Variants in OTOP1 observed in about 807,000 individuals in gnomAD.
OTOP1 encodes proton channel OTOP1.
OTOP1 carries 59 observed loss-of-function variants against 52.9 expected under a neutral mutation model. The observed-to-expected ratio is 1.12, with a 90% confidence interval of 0.91 to 1.39. The LOEUF is 1.39. Among genes scored for constraint, OTOP1 ranks in the 40% most tolerant of loss-of-function variants. OTOP1 has a pLI of 0.00. For synonymous variants in OTOP1, 317 were observed against 337.7 expected (o/e 0.94, Z 0.67); for missense variants, 761 against 800.9 (o/e 0.95, Z 0.60).
At chr4:4,217,073 T>G (rs1717170381) in intron 1 of OTOP1, among the ~76,000 whole-genome samples, 2 of 152,240 alleles carry the variant, frequency 1.3e-5, no homozygotes, top group South Asian at 2.1e-4. Flanking sequence ...ACCATCTCTG[T>G]GGTTGACTTG....
Position 4,226,859 on chromosome 4 carries a change from G to T in OTOP1, c.6C>A (p.Leu2=), listed in dbSNP as rs371393645. Residue 2 remains leucine (L), a synonymous_variant, in exon 1 of 6, where the codon CTC becomes CTA. Coordinates refer to ENST00000296358, the MANE Select transcript of OTOP1 (RefSeq NM_177998.3). M[L]EGLGSPASPR... ...GCGAGGCGGGCGACCCCAGGCCCTCGAGCATCTTCGAGACACCCGCGCCAA... is the reference window on the plus strand; with the variant it reads ...GCGAGGCGGGCGACCCCAGGCCCTCTAGCATCTTCGAGACACCCGCGCCAA... The T allele has an allele frequency of 3.0e-6, 4 of 1,326,938 alleles. No homozygotes were observed. The highest frequency in any genetic ancestry group is 6.3e-5 in the East Asian group (2 of 31,960). The allele number at this position is 1,326,938 out of a possible 1,614,324, so 82.2% of individuals were successfully genotyped here.
intron 5 of OTOP1, among the ~76,000 whole-genome samples, chr4:4,192,451 CA>C (rs1287072069): frequency 2.6e-5 from 4 of 152,264 alleles, no homozygotes; most frequent in African/African-American, 9.6e-5. Flanking sequence ...GAGACAAAAA[CA>C]GTCATGCATG....
Position 4,226,752 on chromosome 4 carries a change from G to A in OTOP1, c.113C>T (p.Ser38Phe), listed in dbSNP as rs199890951. The A allele has an allele frequency of 3.6e-6, 5 of 1,393,960 alleles. No homozygotes were observed. The highest frequency in any genetic ancestry group is 3.7e-6 in the Non-Finnish European group (4 of 1,074,056). 86.3% of individuals were successfully genotyped at this position (1,393,960 alleles called of 1,614,324 possible). ...CSPPSSSAPR[S>F]PESPAPRRGG... ...CCGCCGGGGGGCCGGGGATTCCGGG[G>A]ACCTCGGGGCCGAGGACGAGGGAGG... The change falls in exon 1 of 6, where the codon TCC becomes TTC. Residue 38 changes from serine (S) to phenylalanine (F), a missense_variant. Around this residue, in one of 3 missense-constraint regions of OTOP1, gnomAD observed 73 missense variants for 75.7 expected, o/e 0.96. Coordinates refer to ENST00000296358, the MANE Select transcript of OTOP1 (RefSeq NM_177998.3).
rs757467521 is a variant in OTOP1, at chr4:4,188,905, G to A, written c.1737C>T (p.Gly579=). The change falls in exon 6 of 6, where the codon GGC becomes GGT. Residue 579 remains glycine (G), a synonymous_variant. Coordinates refer to ENST00000296358, the MANE Select transcript of OTOP1 (RefSeq NM_177998.3). ...TGACCACAATTATCCAGGGTTCAAA[G>A]CCAAAGACAATCTCCTCCAATCCAT... is the stretch of plus-strand genomic sequence containing the variant. The part of the protein sequence containing the change: ...YDNGLEEIVF[G]FEPWIIVVNL... The A allele has an allele frequency of 8.1e-6, 13 of 1,613,762 alleles. No individual in the cohort carries two copies. In the Admixed American group the frequency reaches 1.7e-4, roughly 21 times the overall value.
At position 4,197,777 on chromosome 4, in the gene OTOP1, A is replaced by G. The variant is rs1716679599; in HGVS notation, c.1057T>C (p.Tyr353His). Residue 353 changes from tyrosine (Y) to histidine (H), a missense_variant, in exon 5 of 6, where the codon TAT (tyrosine) becomes CAT (histidine). Around this residue, in one of 3 missense-constraint regions of OTOP1, gnomAD observed 632 missense variants for 619.5 expected, o/e 1.02. Transcript: ENST00000296358. ...ATAAGCATCAGCAGGGTGATGGCAT[A>G]CAGGTAGAACATGATGAGTGCCGAC... ...SESALIMFYLYAITLLMLMGA... is the reference protein window; with the variant it reads ...SESALIMFYLHAITLLMLMGA... The G allele has an allele frequency of 6.2e-7, 1 of 1,613,870 alleles. No individual in the cohort carries two copies. The highest frequency in any genetic ancestry group is 8.5e-7 in the Non-Finnish European group (1 of 1,180,008).
intron 5 of OTOP1, among the ~76,000 whole-genome samples, chr4:4,191,332 C>T (rs1197842434): frequency 1.3e-5 from 2 of 152,182 alleles, no homozygotes; most frequent in Admixed American, 6.5e-5. Flanking sequence ...CACTAGGGCT[C>T]TACTCGGCCA....
At chr4:4,211,666 G>C (rs78173366) in intron 2 of OTOP1, among the ~76,000 whole-genome samples, 6,101 of 152,254 alleles carry the variant, frequency 0.04, 397 homozygotes, top group African/African-American at 0.14. Context: ...TAGGGAGACT[G>C]AGGCAGGTGG....
intron 5 of OTOP1, among the ~76,000 whole-genome samples, chr4:4,192,120 C>T (rs1297074368): frequency 6.6e-6 from 1 of 152,176 alleles, no homozygotes; most frequent in African/African-American, 2.4e-5. Flanking sequence ...AGAAATGACA[C>T]CATGCAGTTT....
At chr4:4,214,342 C>T (rs1197671582) in intron 1 of OTOP1, among the ~76,000 whole-genome samples, 1 of 151,976 alleles carries the variant, frequency 6.6e-6, no homozygotes, top group East Asian at 1.9e-4. Context: ...AGAAATAGTG[C>T]TCTGTTGGTA....
At chr4:4,192,254 G>A (rs1716526215) in intron 5 of OTOP1, among the ~76,000 whole-genome samples, 1 of 152,076 alleles carries the variant, frequency 6.6e-6, no homozygotes, top group African/African-American at 2.4e-5. Flanking sequence ...AGACCCACCT[G>A]TGGGTGCCTC....
At chr4:4,196,031 T>C (rs1422779169) in intron 5 of OTOP1, among the ~76,000 whole-genome samples, 1 of 152,254 alleles carries the variant, frequency 6.6e-6, no homozygotes, top group Non-Finnish European at 1.5e-5. Flanking sequence ...ATTGTAATTT[T>C]GTACTTACAG....
chr4:4,190,942 G>C (rs1315652996), intron 5 of OTOP1, among the ~76,000 whole-genome samples: 1 of 152,070 alleles, frequency 6.6e-6, no homozygotes, highest in South Asian at 2.1e-4. Context: ...CCCAGTCCCT[G>C]GTTGTAAATG....
chr4:4,193,329 A>G (rs1388185292), intron 5 of OTOP1, among the ~76,000 whole-genome samples: 1 of 152,056 alleles, frequency 6.6e-6, no homozygotes, highest in Admixed American at 6.6e-5. Context: ...CATCTCCCAC[A>G]GCACCCTGCC....
chr4:4,225,868 T>C (rs1717420498), intron 1 of OTOP1, among the ~76,000 whole-genome samples: 1 of 151,802 alleles, frequency 6.6e-6, no homozygotes, highest in Non-Finnish European at 1.5e-5. Flanking sequence ...TGGTCAGACC[T>C]GCAAAGCCGG....
At chr4:4,211,681 C>T (rs1717030049) in intron 2 of OTOP1, among the ~76,000 whole-genome samples, 1 of 152,158 alleles carries the variant, frequency 6.6e-6, no homozygotes. Context: ...AGGTGGATCA[C>T]TTGAGCTGAA....
At chr4:4,215,156 G>A (rs530565542) in intron 1 of OTOP1, among the ~76,000 whole-genome samples, 95 of 152,182 alleles carry the variant, frequency 6.2e-4, no homozygotes, top group African/African-American at 2.0e-3. Flanking sequence ...GTTGAGCTGC[G>A]AAGGTAAAAC....
chr4:4,215,568 G>A (rs1717125754), intron 1 of OTOP1, among the ~76,000 whole-genome samples: 1 of 152,066 alleles, frequency 6.6e-6, no homozygotes. Context: ...GCTGAGGCAG[G>A]AGAATCACTT....
intron 3 of OTOP1, among the ~76,000 whole-genome samples, chr4:4,204,697 G>A (rs933588758): frequency 2.6e-5 from 4 of 151,914 alleles, no homozygotes; most frequent in African/African-American, 9.7e-5. Context: ...TAATCTCAGT[G>A]TATGTTTCCT....
In OTOP1 at chr4:4,202,452, T is replaced by C. The variant is rs751338603; in HGVS notation, c.726A>G (p.Thr242=). 2 of 1,613,662 alleles carry C rather than the reference T, an allele frequency of 1.2e-6. No individual in the cohort carries two copies. The highest frequency in any genetic ancestry group is 2.7e-5 in the African/African-American group (2 of 74,912). ...RLITLGFGNI[T]TVLDDHTPQC... ...CTCACCTCTCTCACCACTCACCTGT[T>C]GTTATGTTCCCAAAACCCAGAGTGA... is the stretch of plus-strand genomic sequence containing the variant. Residue 242 remains threonine, a synonymous_variant, in exon 4 of 6, where the codon ACA becomes ACG. Coordinates refer to ENST00000296358, the MANE Select transcript of OTOP1 (RefSeq NM_177998.3).
Sources: allele counts gnomAD v4.1 joint callset (sites outside exome capture counted in the v4.1 genomes callset), GRCh38; gene constraint gnomAD v4.1.1; regional missense constraint gnomAD v4.1.1; transcripts MANE v1.5; gene names NCBI Gene and HGNC (gene_info 2026-07-23, HGNC 2026-07-21).